Variants in CDH4 observed in about 807,000 individuals in gnomAD.
CDH4 encodes cadherin 4, also known as cadherin-4.
Under a neutral mutation model 86.0 loss-of-function variants are expected in CDH4, and 33 were observed. That is an observed-to-expected ratio of 0.38 (90% confidence interval 0.29 to 0.51). The LOEUF (loss-of-function observed/expected upper bound fraction) is 0.51. CDH4 is among the 20% of genes least tolerant of loss of function. CDH4 has a pLI of 0.86. For missense variants in CDH4, 1,114 were observed against 1,307.4 expected (o/e 0.85, Z 2.28); for synonymous variants, 555 against 549.4 (o/e 1.01, Z -0.14).
intron 3 of CDH4, among the ~76,000 whole-genome samples, chr20:61,752,158 C>G (rs2088504903): frequency 6.6e-6 from 1 of 151,998 alleles, no homozygotes; most frequent in Non-Finnish European, 1.5e-5. Context: ...ATGGTGAAAC[C>G]CTGTCTCCAC....
At chr20:61,799,198 A>G (rs1405787733) in intron 4 of CDH4, among the ~76,000 whole-genome samples, 1 of 152,190 alleles carries the variant, frequency 6.6e-6, no homozygotes, top group Non-Finnish European at 1.5e-5. Flanking sequence ...CTGTCTTACT[A>G]CCTCTATGAG....
chr20:61,753,465 G>A (rs1472279536), intron 3 of CDH4, among the ~76,000 whole-genome samples: 1 of 152,202 alleles, frequency 6.6e-6, no homozygotes, highest in Admixed American at 6.5e-5. Context: ...CTGGAATCTG[G>A]AAGAACTGTT....
At chr20:61,384,779 T>TA (rs11204430) in intron 2 of CDH4, among the ~76,000 whole-genome samples, 37,335 of 151,958 alleles carry the variant, frequency 0.25, 4,954 homozygotes, top group African/African-American at 0.34. Flanking sequence ...CTTCTTTTTT[T>TA]ATACTTTTCT....
At chr20:61,740,946 C>T (rs1487081500) in intron 2 of CDH4, 2 of 152,310 alleles carry the variant, frequency 1.3e-5, no homozygotes, top group Admixed American at 1.3e-4. Context: ...CACAGGGGCT[C>T]ACGCCTGTAA....
intron 2 of CDH4, among the ~76,000 whole-genome samples, chr20:61,346,826 G>A (rs540617770): frequency 4.1e-4 from 63 of 152,198 alleles, no homozygotes; most frequent in African/African-American, 1.4e-3. Flanking sequence ...CAGGCTCTGC[G>A]CTATGCAGGT....
chr20:61,789,704 A>G (rs1017157855), intron 4 of CDH4, among the ~76,000 whole-genome samples: 2 of 152,262 alleles, frequency 1.3e-5, no homozygotes, highest in African/African-American at 4.8e-5. Flanking sequence ...GCAAACCGAC[A>G]TGCAGGCCCA....
At chr20:61,637,097 T>C (rs1336636119) in intron 2 of CDH4, among the ~76,000 whole-genome samples, 3 of 152,226 alleles carry the variant, frequency 2.0e-5, no homozygotes, top group Non-Finnish European at 4.4e-5. Context: ...TGCTTTTTGC[T>C]TTTGTTTGTT....
At chr20:61,343,599 T>C (rs1281655269) in intron 2 of CDH4, among the ~76,000 whole-genome samples, 2 of 152,296 alleles carry the variant, frequency 1.3e-5, no homozygotes, top group African/African-American at 2.4e-5. Flanking sequence ...GCAGTCAGCA[T>C]AGGCAAGTTG....
intron 2 of CDH4, among the ~76,000 whole-genome samples, chr20:61,597,826 C>T (rs1408126703): frequency 6.6e-6 from 1 of 152,184 alleles, no homozygotes; most frequent in Non-Finnish European, 1.5e-5. Context: ...CAACCACAAA[C>T]AAGACCAAGC....
intron 2 of CDH4, among the ~76,000 whole-genome samples, chr20:61,565,954 C>T (rs1029392010): frequency 6.6e-6 from 1 of 152,178 alleles, no homozygotes; most frequent in Non-Finnish European, 1.5e-5. Flanking sequence ...ACTGTTGCCT[C>T]CCACCTGATG....
intron 2 of CDH4, among the ~76,000 whole-genome samples, chr20:61,323,738 G>A (rs1390596734): frequency 6.6e-6 from 1 of 152,182 alleles, no homozygotes; most frequent in Non-Finnish European, 1.5e-5. Flanking sequence ...AACACTGAAG[G>A]GGGCTCTCCC....
intron 2 of CDH4, among the ~76,000 whole-genome samples, chr20:61,381,632 A>C (rs557189001): frequency 6.6e-6 from 1 of 152,110 alleles, no homozygotes; most frequent in South Asian, 2.1e-4. Context: ...AGTCCGCAGA[A>C]TGTCCCCCCT....
intron 2 of CDH4, among the ~76,000 whole-genome samples, chr20:61,643,527 T>C (rs1480654837): frequency 6.6e-6 from 1 of 152,236 alleles, no homozygotes; most frequent in Non-Finnish European, 1.5e-5. Flanking sequence ...TGTGCACTAA[T>C]GCCCTGAGTG....
chr20:61,554,730 CACATGT>C (rs1202644734), intron 2 of CDH4, among the ~76,000 whole-genome samples: 1 of 152,256 alleles, frequency 6.6e-6, no homozygotes, highest in Non-Finnish European at 1.5e-5. Flanking sequence ...TGTGTGTACA[CACATGT>C]ACATGTACAT....
intron 2 of CDH4, among the ~76,000 whole-genome samples, chr20:61,433,707 T>C (rs1315893622): frequency 6.6e-6 from 1 of 152,078 alleles, no homozygotes; most frequent in East Asian, 1.9e-4. Flanking sequence ...GTGCCCAGGC[T>C]CCCGTCGGTC....
At chr20:61,849,875 A>G (rs1352897780) in intron 5 of CDH4, among the ~76,000 whole-genome samples, 1 of 152,124 alleles carries the variant, frequency 6.6e-6, no homozygotes, top group Non-Finnish European at 1.5e-5. Context: ...TGGGGAGGGA[A>G]CACATCTGTC....
chr20:61,710,326 T>C (rs1448911278), intron 2 of CDH4, among the ~76,000 whole-genome samples: 3 of 152,140 alleles, frequency 2.0e-5, no homozygotes, highest in Non-Finnish European at 2.9e-5. Context: ...TGGCTGCCGA[T>C]TGGTTCTCTG....
chr20:61,281,948 G>A (rs2084261191), intron 2 of CDH4, among the ~76,000 whole-genome samples: 1 of 152,226 alleles, frequency 6.6e-6, no homozygotes, highest in South Asian at 2.1e-4. Flanking sequence ...CGATGTGAAG[G>A]GAGTGGCCAG....
intron 2 of CDH4, among the ~76,000 whole-genome samples, chr20:61,716,230 T>G (rs1047084209): frequency 6.6e-6 from 1 of 152,170 alleles, no homozygotes; most frequent in African/African-American, 2.4e-5. Context: ...GAGCCGCCCC[T>G]TGGCTGGAGC....
Sources: allele counts gnomAD v4.1 joint callset (sites outside exome capture counted in the v4.1 genomes callset), GRCh38; gene constraint gnomAD v4.1.1; transcripts MANE v1.5; gene names NCBI Gene and HGNC (gene_info 2026-07-23, HGNC 2026-07-21).